The following RXRA variants were observed in gnomAD, a reference collection of about 807,000 sequenced individuals.
The protein encoded by RXRA is retinoic acid receptor RXR-alpha.
In RXRA, 5 loss-of-function variants were observed where a neutral mutation model predicts 44.5. That is an observed-to-expected ratio of 0.11 (90% confidence interval 0.06 to 0.24). The LOEUF (loss-of-function observed/expected upper bound fraction) is 0.24. Among genes scored for constraint, RXRA ranks in the 10% least tolerant of loss-of-function variants. The pLI is 1.00. For missense variants in RXRA, 412 were observed against 646.5 expected, an observed-to-expected ratio of 0.64 and a Z score of 3.93; for synonymous variants, 291 against 271.4, an observed-to-expected ratio of 1.07 and a Z score of -0.71.
At chr9:134,425,574 G>T in intron 6 of RXRA, 1 of 810,196 alleles carries the variant, frequency 1.2e-6, no homozygotes, top group Non-Finnish European at 1.5e-6. Flanking sequence ...GAGGGGGGTG[G>T]GGGGAATGGA....
chr9:134,417,120 GC>G lies in RXRA; in HGVS notation c.611-37del, dbSNP rs1348280896. On this transcript the variant is annotated intron_variant, in intron 4 of 9. Transcript: ENST00000481739. This position sits in a 1 kb window ranked among gnomAD's most constrained non-coding sequence, Gnocchi z 6.1. ...GCCTTCCCTGGGAGCCACTGGCCGG[GC>G]TGAGCGTGGGGCTCACCTGCGCCTC... 6.3e-7 allele frequency: 1 copy of G among 1,584,390 alleles called. No homozygotes were observed. Among genetic ancestry groups the G allele is most frequent in the Non-Finnish European group, 8.6e-7 (1 of 1,166,620 alleles).
intron 5 of RXRA, among the ~76,000 whole-genome samples, chr9:134,420,463 T>G (rs1271021283): frequency 6.6e-6 from 1 of 152,102 alleles, no homozygotes; most frequent in East Asian, 1.9e-4. Context: ...TGTATACCCC[T>G]TCTGGCTCGG....
intron 6 of RXRA, chr9:134,425,095 C>T (rs1831410686): frequency 1.0e-6 from 1 of 985,246 alleles, no homozygotes; most frequent in Non-Finnish European, 1.2e-6. Context: ...AAGGTCTCTG[C>T]TCACTCCGGG....
intron 1 of RXRA, among the ~76,000 whole-genome samples, chr9:134,361,329 C>T (rs576674558): frequency 6.6e-5 from 10 of 152,140 alleles, no homozygotes; most frequent in Non-Finnish European, 1.5e-4. Flanking sequence ...TCCTCCCAGG[C>T]CCTCCCCTGA....
In RXRA at chr9:134,349,077, G is replaced by A. The variant is rs1363314283; in HGVS notation, c.28+22418G>A. ...AAGGCTGGTGATGCATGGTGGGTAC[G>A]CTGCTTCCCGGGAGGGGACTTGTGC... is the stretch of plus-strand genomic sequence containing the variant. On this transcript the variant is annotated intron_variant, in intron 1 of 9. Coordinates refer to ENST00000481739, the MANE Select transcript of RXRA (RefSeq NM_002957.6). This position sits in a 1 kb window ranked among gnomAD's most constrained non-coding sequence, Gnocchi z 4.3. Among the ~76,000 whole-genome samples the A allele has an allele frequency of 2.0e-5, 3 of 152,330 alleles. No individual in the cohort carries two copies. Among genetic ancestry groups the A allele is most frequent in the Non-Finnish European group, 2.9e-5 (2 of 68,026 alleles).
intron 1 of RXRA, among the ~76,000 whole-genome samples, chr9:134,333,481 C>T (rs1446082584): frequency 3.3e-5 from 5 of 152,084 alleles, no homozygotes; most frequent in African/African-American, 4.8e-5. Flanking sequence ...AGACTGCTGC[C>T]GTGCGTGCGG....
chr9:134,361,509 C>T (rs372167250), intron 1 of RXRA, among the ~76,000 whole-genome samples: 7 of 152,038 alleles, frequency 4.6e-5, no homozygotes, highest in Non-Finnish European at 7.4e-5. Context: ...TGGGAAGGTG[C>T]GGGTGACAGA....
intron 6 of RXRA, 142 bp downstream of exon 6, chr9:134,421,947 C>T: frequency 6.6e-7 from 1 of 1,516,786 alleles, no homozygotes; most frequent in Non-Finnish European, 8.8e-7. Flanking sequence ...CCCACTCCTA[C>T]CTCCCGGGAC....
At chr9:134,354,205 G>C (rs1554749800) in intron 1 of RXRA, among the ~76,000 whole-genome samples, 1 of 152,182 alleles carries the variant, frequency 6.6e-6, no homozygotes, top group Non-Finnish European at 1.5e-5. Flanking sequence ...TCTGCAAGGA[G>C]GGCTGTGGGG....
At chr9:134,330,124 A>G (rs1441380824) in intron 1 of RXRA, among the ~76,000 whole-genome samples, 1 of 152,110 alleles carries the variant, frequency 6.6e-6, no homozygotes, top group Admixed American at 6.5e-5. Context: ...TCGAGTGGTG[A>G]GCAATGCCTG....
chr9:134,385,366 C>G (rs181374136), intron 1 of RXRA, among the ~76,000 whole-genome samples: 1 of 152,216 alleles, frequency 6.6e-6, no homozygotes, highest in Non-Finnish European at 1.5e-5. Context: ...CCCCTTCCCC[C>G]GCGTGCTTCC....
At chr9:134,355,497 T>C (rs577081818) in intron 1 of RXRA, among the ~76,000 whole-genome samples, 2 of 151,996 alleles carry the variant, frequency 1.3e-5, no homozygotes, top group South Asian at 4.2e-4. Flanking sequence ...TTATTTTTGG[T>C]TACTTTTTCC....
intron 1 of RXRA, among the ~76,000 whole-genome samples, chr9:134,364,939 G>A (rs1347794139): frequency 6.6e-6 from 1 of 152,212 alleles, no homozygotes; most frequent in Non-Finnish European, 1.5e-5. Context: ...ACATAGATGA[G>A]GCCTCATGTG....
Position 134,434,242 on chromosome 9 carries a change from C to T in RXRA, c.1241+35C>T, listed in dbSNP as rs375446455. On this transcript the variant is annotated intron_variant, in intron 9 of 9. Transcript: ENST00000481739. The stretch of plus-strand genomic sequence containing the variant: ...GCCCCGTCCCACACACACCCCAGAC[C>T]CAGGCTCTTGTCTCCAGAGCCCCCA... The T allele has an allele frequency of 3.3e-6, 5 of 1,509,146 alleles. No individual in the cohort carries two copies. The African/African-American group carries it at 6.9e-5, about 21-fold the overall frequency. 93.5% of individuals were successfully genotyped at this position (1,509,146 alleles called of 1,614,324 possible). A position where few individuals can be genotyped will look rare whatever the true frequency, so the allele number is the denominator to read the frequency against.
intron 8 of RXRA, 95 bp from the exon 9 acceptor site, chr9:134,434,007 C>A: frequency 1.2e-6 from 1 of 847,386 alleles, no homozygotes; most frequent in Non-Finnish European, 1.9e-6. Flanking sequence ...CATGGTGGGG[C>A]AGCCTGGGAG....
intron 1 of RXRA, among the ~76,000 whole-genome samples, chr9:134,370,683 G>T (rs1830480416): frequency 6.6e-6 from 1 of 152,232 alleles, no homozygotes. Flanking sequence ...TGCTGGCTGG[G>T]CCCTGGGCTG....
chr9:134,392,215 T>G (rs974338907), intron 1 of RXRA, among the ~76,000 whole-genome samples: 1 of 152,176 alleles, frequency 6.6e-6, no homozygotes, highest in African/African-American at 2.4e-5. Context: ...TTTCCGTGAC[T>G]CCGCTTCTTT....
intron 4 of RXRA, among the ~76,000 whole-genome samples, chr9:134,411,296 A>G (rs1831144918): frequency 6.6e-6 from 1 of 150,452 alleles, no homozygotes; most frequent in Non-Finnish European, 1.5e-5. Flanking sequence ...ACCCCATCCC[A>G]TCCCAGTGGA....
intron 6 of RXRA, chr9:134,427,042 T>C (rs1831445540): frequency 1.5e-5 from 15 of 978,596 alleles, no homozygotes; most frequent in Non-Finnish European, 1.8e-5. Flanking sequence ...TGTCCAAGTC[T>C]CTGTGTGATT....
Sources: gnomAD v4.1 joint callset for allele counts (sites outside exome capture counted in the v4.1 genomes callset) on GRCh38, gnomAD v4.1.1 for gene constraint, Gnocchi (gnomAD v3.1) non-coding constraint, MANE v1.5 for transcripts, NCBI Gene and HGNC (gene_info 2026-07-23, HGNC 2026-07-21) for gene names.